PRR5L: variants seen among roughly 807,000 people sequenced by gnomAD.
The protein encoded by PRR5L is proline-rich protein 5-like.
A neutral mutation model predicts 36.4 loss-of-function variants in PRR5L; 21 were observed. The observed-to-expected ratio is 0.58, with a 90% CI of 0.41 to 0.83. The LOEUF (loss-of-function observed/expected upper bound fraction) is 0.83. Ranked by LOEUF, PRR5L falls within the 40% of genes least tolerant of loss-of-function variation. The probability of loss-of-function intolerance (pLI) is 0.00; values close to 1 mark genes in which losing one functional copy is unlikely to be tolerated. For synonymous variants in PRR5L, 188 were observed against 197.0 expected, an observed-to-expected ratio of 0.95 and a Z score of 0.38; for missense variants, 381 against 473.3, an observed-to-expected ratio of 0.80 and a Z score of 1.81.
At chr11:36,397,214 C>T (rs1016776755) in intron 1 of PRR5L, among the ~76,000 whole-genome samples, 20 of 151,146 alleles carry the variant, frequency 1.3e-4, no homozygotes, top group African/African-American at 7.3e-5. Context: ...ATTACAGGCA[C>T]GCCAACACGC....
chr11:36,439,115 A>G (rs1858667922), intron 6 of PRR5L, among the ~76,000 whole-genome samples: 1 of 152,178 alleles, frequency 6.6e-6, no homozygotes, highest in South Asian at 2.1e-4. Context: ...GTAGGTGGAC[A>G]AAGGGGCATG....
At chr11:36,297,270 T>A (rs1856322376) in intron 1 of PRR5L, 1 of 152,218 alleles carries the variant, frequency 6.6e-6, no homozygotes, top group Admixed American at 6.5e-5. Flanking sequence ...GTATAGAGGG[T>A]GACATTCAGT....
At chr11:36,361,299 A>G (rs991709714) in intron 1 of PRR5L, among the ~76,000 whole-genome samples, 2 of 152,226 alleles carry the variant, frequency 1.3e-5, no homozygotes, top group Non-Finnish European at 2.9e-5. Flanking sequence ...AGATTTGCAG[A>G]AATAAAAAAC....
At chr11:36,425,097 C>T (rs572921456) in intron 4 of PRR5L, among the ~76,000 whole-genome samples, 97 of 152,298 alleles carry the variant, frequency 6.4e-4, no homozygotes, top group Middle Eastern at 6.8e-3. Flanking sequence ...GCTGGGATTA[C>T]AGGTGTGAGC....
intron 1 of PRR5L, among the ~76,000 whole-genome samples, chr11:36,340,466 T>C (rs1002918583): frequency 6.6e-6 from 1 of 152,210 alleles, no homozygotes; most frequent in Non-Finnish European, 1.5e-5. Context: ...CATATAACAC[T>C]ATGTGTCAGA....
intron 6 of PRR5L, among the ~76,000 whole-genome samples, chr11:36,444,290 T>A (rs912531392): frequency 6.6e-6 from 1 of 152,162 alleles, no homozygotes; most frequent in African/African-American, 2.4e-5. Flanking sequence ...AGGGGTATAA[T>A]CTCTGTGTGG....
intron 1 of PRR5L, among the ~76,000 whole-genome samples, chr11:36,392,790 C>T (rs991974191): frequency 6.6e-6 from 1 of 152,144 alleles, no homozygotes; most frequent in Non-Finnish European, 1.5e-5. Context: ...CTCATGAGAA[C>T]TCACTCACTT....
At chr11:36,360,854 C>G (rs1857079281) in intron 1 of PRR5L, among the ~76,000 whole-genome samples, 1 of 152,204 alleles carries the variant, frequency 6.6e-6, no homozygotes, top group African/African-American at 2.4e-5. Context: ...CACTAATTGT[C>G]TTAAGCCACT....
intron 8 of PRR5L, chr11:36,454,868 T>C (rs534636998): frequency 1.3e-5 from 2 of 152,340 alleles, no homozygotes; most frequent in South Asian, 4.1e-4. Context: ...AACGTGCCGC[T>C]CTCTCCAAAG....
chr11:36,386,516 A>AG (rs1857459033), intron 1 of PRR5L: 1 of 152,174 alleles, frequency 6.6e-6, no homozygotes, highest in Non-Finnish European at 1.5e-5. Flanking sequence ...CCACTAGGAA[A>AG]CAGAGACTCC....
At chr11:36,301,523 C>T (rs1856376430) in intron 1 of PRR5L, among the ~76,000 whole-genome samples, 1 of 152,100 alleles carries the variant, frequency 6.6e-6, no homozygotes, top group Non-Finnish European at 1.5e-5. Context: ...ACTTGAACTA[C>T]AGAAGGGATG....
At chr11:36,372,065 TA>T (rs969651849) in intron 1 of PRR5L, among the ~76,000 whole-genome samples, 1 of 151,612 alleles carries the variant, frequency 6.6e-6, no homozygotes, top group African/African-American at 2.4e-5. Flanking sequence ...CTCAAAAAAA[TA>T]AAAAAAAATA....
intron 1 of PRR5L, chr11:36,376,011 G>A: frequency 2.1e-6 from 1 of 486,972 alleles, no homozygotes; most frequent in South Asian, 1.7e-5. Context: ...TTGCGGGGCA[G>A]CTGGGCCGGG....
At chr11:36,311,003 A>AG (rs1554983383) in intron 1 of PRR5L, among the ~76,000 whole-genome samples, 2 of 151,076 alleles carry the variant, frequency 1.3e-5, no homozygotes, top group Admixed American at 1.3e-4. Flanking sequence ...TCCAAAAAAA[A>AG]AAAAAAAAAA....
chr11:36,432,559 T>G (rs993227479), intron 5 of PRR5L, among the ~76,000 whole-genome samples: 32 of 152,174 alleles, frequency 2.1e-4, no homozygotes, highest in Non-Finnish European at 3.7e-4. Flanking sequence ...GATCTTAGCT[T>G]GCCACCTCCT....
chr11:36,455,540 T>C (rs568101095), intron 8 of PRR5L: 23 of 152,892 alleles, frequency 1.5e-4, no homozygotes, highest in Admixed American at 1.2e-3. Flanking sequence ...CCAGCTGAAA[T>C]GGCAGGACCC....
intron 1 of PRR5L, chr11:36,376,466 G>A (rs1857263574): frequency 7.1e-6 from 8 of 1,127,202 alleles, no homozygotes; most frequent in Non-Finnish European, 8.8e-6. Flanking sequence ...GCGCTGGAGA[G>A]GAACCGAGGC....
chr11:36,460,362 G>T (rs230485), intron 8 of PRR5L, among the ~76,000 whole-genome samples: 3,581 of 152,204 alleles, frequency 0.024, 125 homozygotes, highest in African/African-American at 0.081. Context: ...CTCACAAGCT[G>T]CCTCCTCTGC....
chr11:36,391,673 G>T (rs1857566297), intron 1 of PRR5L, among the ~76,000 whole-genome samples: 1 of 152,190 alleles, frequency 6.6e-6, no homozygotes, highest in Non-Finnish European at 1.5e-5. Flanking sequence ...ATTGGGCATA[G>T]AATATTTCTT....
Sources: allele counts gnomAD v4.1 joint callset (sites outside exome capture counted in the v4.1 genomes callset), GRCh38; gene constraint gnomAD v4.1.1; transcripts MANE v1.5; gene names NCBI Gene and HGNC (gene_info 2026-07-23, HGNC 2026-07-21).